CASK: variants seen among roughly 807,000 people sequenced by gnomAD.
CASK encodes peripheral plasma membrane protein CASK.
A neutral mutation model predicts 82.9 loss-of-function variants in CASK; 4 were observed. That is an observed-to-expected ratio of 0.05 (90% CI 0.02 to 0.11). CASK has a LOEUF of 0.11. Among genes scored for constraint, CASK ranks in the 10% least tolerant of loss-of-function variants. The probability of loss-of-function intolerance (pLI) is 1.00; values close to 1 mark genes in which losing one functional copy is unlikely to be tolerated. For synonymous variants in CASK, 259 were observed against 253.5 expected (o/e 1.02, Z -0.20); for missense variants, 358 against 720.9 (o/e 0.50, Z 5.76).
chrX:41,896,898 C>T (rs1314100494), intron 1 of CASK, among the ~76,000 whole-genome samples: 1 of 112,041 alleles, frequency 8.9e-6, no homozygotes, highest in African/African-American at 3.2e-5. Flanking sequence ...TTCTATCTAA[C>T]TATATTTTGG....
At chrX:41,686,468 G>A (rs1438780990) in intron 5 of CASK, among the ~76,000 whole-genome samples, 7 of 107,908 alleles carry the variant, frequency 6.5e-5, no homozygotes, top group African/African-American at 2.4e-4. Flanking sequence ...AAACTCTCAG[G>A]CTCAAGTGCT....
intron 2 of CASK, among the ~76,000 whole-genome samples, chrX:41,830,558 C>T (rs746607999): frequency 9.9e-5 from 11 of 111,000 alleles, no homozygotes; most frequent in Admixed American, 3.8e-4. Context: ...CGGTGGCTCA[C>T]GCCTGTAATC....
In CASK at chrX:41,636,235, C is replaced by T. The variant is rs1036055924; in HGVS notation, c.915+343G>A. Reference sequence around the variant, plus strand: ...CTAATTCAAAGTTATTTCCATTGAACTAAACATACATTTGTCAAAATATTT... The same window carrying T: ...CTAATTCAAAGTTATTTCCATTGAATTAAACATACATTTGTCAAAATATTT... On this transcript the variant is annotated intron_variant, in intron 9 of 26. Coordinates refer to ENST00000378163, the MANE Select transcript of CASK (RefSeq NM_001367721.1). Among the ~76,000 whole-genome samples the T allele has an allele frequency of 5.4e-5, 6 of 111,324 alleles. No individual in the cohort carries two copies. In the Admixed American group the frequency reaches 5.8e-4, roughly 11 times the overall value.
At chrX:41,565,935 C>T (rs2065310341) in intron 16 of CASK, among the ~76,000 whole-genome samples, 1 of 111,836 alleles carries the variant, frequency 8.9e-6, no homozygotes, top group Non-Finnish European at 1.9e-5. Flanking sequence ...TTAACATACG[C>T]AAATCAATAA....
At chrX:41,814,420 A>G (rs1427439243) in intron 2 of CASK, among the ~76,000 whole-genome samples, 1 of 111,334 alleles carries the variant, frequency 9.0e-6, no homozygotes, top group Non-Finnish European at 1.9e-5. Context: ...GCCATAAAAA[A>G]TGATGAGTTC....
intron 2 of CASK, among the ~76,000 whole-genome samples, chrX:41,793,131 T>C (rs1053011081): frequency 8.9e-6 from 1 of 112,404 alleles, no homozygotes; most frequent in African/African-American, 3.2e-5. Flanking sequence ...TTCTTCACTA[T>C]TGTTAATCTA....
At chrX:41,855,279 T>C (rs887282769) in intron 1 of CASK, among the ~76,000 whole-genome samples, 38 of 111,867 alleles carry the variant, frequency 3.4e-4, no homozygotes, top group African/African-American at 1.1e-3. Flanking sequence ...TTTAATTTTA[T>C]AGTACGAGGC....
chrX:41,797,617 G>C (rs2069889575), intron 2 of CASK, among the ~76,000 whole-genome samples: 1 of 111,694 alleles, frequency 9.0e-6, no homozygotes, highest in African/African-American at 3.3e-5. Flanking sequence ...GAGAATGTTA[G>C]AAACAGAAGT....
intron 5 of CASK, among the ~76,000 whole-genome samples, chrX:41,702,928 G>GA (rs2067827840): frequency 1.8e-5 from 2 of 112,004 alleles, no homozygotes; most frequent in African/African-American, 3.2e-5. Flanking sequence ...TTGAATAGAA[G>GA]AAAAAAAATG....
chrX:41,911,326 T>C (rs2072561769), intron 1 of CASK, among the ~76,000 whole-genome samples: 1 of 111,983 alleles, frequency 8.9e-6, no homozygotes. Flanking sequence ...TAAATAATAC[T>C]GTCCAAGGAT....
intron 2 of CASK, among the ~76,000 whole-genome samples, chrX:41,819,979 T>A (rs1437508894): frequency 1.8e-5 from 2 of 112,186 alleles, no homozygotes; most frequent in Admixed American, 1.9e-4. Flanking sequence ...GGTAAGAGAC[T>A]GGTTTGCTCC....
At chrX:41,626,224 C>T (rs1378300034) in intron 10 of CASK, among the ~76,000 whole-genome samples, 2 of 110,651 alleles carry the variant, frequency 1.8e-5, no homozygotes, top group Non-Finnish European at 3.8e-5. Flanking sequence ...TGATCTAATA[C>T]GACTGACCTG....
chrX:41,598,466 C>A (rs1483307149), intron 12 of CASK, among the ~76,000 whole-genome samples: 1 of 111,214 alleles, frequency 9.0e-6, no homozygotes, highest in Non-Finnish European at 1.9e-5. Flanking sequence ...ATTCTCCTGC[C>A]TTAGCCTCCT....
Position 41,771,481 on chromosome X carries a change from T to C in CASK, c.278+15697A>G, listed in dbSNP as rs193123170. On this transcript the variant is annotated intron_variant, in intron 3 of 26. Coordinates refer to ENST00000378163, the MANE Select transcript of CASK (RefSeq NM_001367721.1). ...AGAAATAGGAGATGATATAAATACA[T>C]GGGATTTATGTTTTTATACACACGA... Among the ~76,000 whole-genome samples the C allele has an allele frequency of 1.5e-3, 166 of 111,698 alleles. 1 individual carries two copies. Among genetic ancestry groups the C allele is most frequent in the Admixed American group, 2.3e-3 (24 of 10,500 alleles).
intron 3 of CASK, among the ~76,000 whole-genome samples, chrX:41,753,103 T>C (rs924680104): frequency 2.7e-5 from 3 of 112,193 alleles, no homozygotes; most frequent in East Asian, 2.8e-4. Flanking sequence ...TTTATTGACA[T>C]AGATGTTCAT....
intron 16 of CASK, among the ~76,000 whole-genome samples, chrX:41,564,959 C>A (rs1394101470): frequency 8.9e-6 from 1 of 112,007 alleles, no homozygotes; most frequent in African/African-American, 3.2e-5. Context: ...TACATGGAAA[C>A]TGAACAACTT....
chrX:41,620,483 C>T, intron 11 of CASK, among the ~76,000 whole-genome samples: 1 of 111,823 alleles, frequency 8.9e-6, no homozygotes. Context: ...TGTATTACTA[C>T]ACACACACAT....
chrX:41,714,361 A>T lies in CASK; in HGVS notation c.429+25023T>A, dbSNP rs150145152. On this transcript the variant is annotated intron_variant, in intron 5 of 26. Coordinates refer to ENST00000378163, the MANE Select transcript of CASK (RefSeq NM_001367721.1). ...ACAGTTAGGAAAGTAAGCATTGAGAAAATTAAGGTAAGTTGGTACATTTGA... is the reference window on the plus strand; with the variant it reads ...ACAGTTAGGAAAGTAAGCATTGAGATAATTAAGGTAAGTTGGTACATTTGA... Among the ~76,000 whole-genome samples the T allele has an allele frequency of 7.7e-3, 858 of 111,906 alleles. 8 individuals are homozygous for T. The highest frequency in any genetic ancestry group is 0.027 in the African/African-American group (828 of 30,759).
At chrX:41,579,974 CT>C (rs2065548305) in intron 14 of CASK, among the ~76,000 whole-genome samples, 1 of 111,680 alleles carries the variant, frequency 9.0e-6, no homozygotes, top group Non-Finnish European at 1.9e-5. Flanking sequence ...CTGGTCTAAA[CT>C]GGGATTTGGG....
Sources: gnomAD v4.1 joint callset for allele counts (sites outside exome capture counted in the v4.1 genomes callset) on GRCh38, gnomAD v4.1.1 for gene constraint, MANE v1.5 for transcripts, NCBI Gene and HGNC (gene_info 2026-07-23, HGNC 2026-07-21) for gene names.